The following C12orf56 variants were observed in gnomAD, a reference collection of about 807,000 sequenced individuals.
The protein encoded by C12orf56 is chromosome 12 open reading frame 56.
In C12orf56, 71 loss-of-function variants were observed where a neutral mutation model predicts 69.9. That is an observed-to-expected ratio of 1.02 (90% CI 0.84 to 1.24). The LOEUF is 1.24. Among genes scored for constraint, C12orf56 ranks in the 50% most tolerant of loss-of-function variants. C12orf56 has a pLI of 0.00. For missense variants in C12orf56, 732 were observed against 738.5 expected, an observed-to-expected ratio of 0.99 and a Z score of 0.10; for synonymous variants, 276 against 274.1, an observed-to-expected ratio of 1.01 and a Z score of -0.07.
At chr12:64,317,759 T>C (rs937523402) in intron 4 of C12orf56, among the ~76,000 whole-genome samples, 8 of 151,006 alleles carry the variant, frequency 5.3e-5, no homozygotes, top group African/African-American at 1.9e-4. Flanking sequence ...AAACTCCATC[T>C]CAAAAGAAAA....
intron 11 of C12orf56, among the ~76,000 whole-genome samples, chr12:64,270,942 T>C (rs1036831551): frequency 6.6e-6 from 1 of 152,062 alleles, no homozygotes; most frequent in Non-Finnish European, 1.5e-5. Context: ...CCAAGGCAGG[T>C]GGATCACGAG....
At chr12:64,350,374 G>A (rs532358700) in intron 2 of C12orf56, among the ~76,000 whole-genome samples, 1 of 152,294 alleles carries the variant, frequency 6.6e-6, no homozygotes, top group South Asian at 2.1e-4. Flanking sequence ...CATTGCATTA[G>A]TTTGATAGGG....
intron 1 of C12orf56, among the ~76,000 whole-genome samples, chr12:64,387,109 A>AAAAAAAAAAAAAAAAAAAAC (rs2039804817): frequency 8.1e-6 from 1 of 122,712 alleles, no homozygotes; most frequent in Non-Finnish European, 1.8e-5. Flanking sequence ...AAAAAAAAAA[A>AAAAAAAAAAAAAAAAAAAAC]AGATGTGTTC....
chr12:64,372,663 A>C (rs1382524829), intron 1 of C12orf56, among the ~76,000 whole-genome samples: 1 of 152,050 alleles, frequency 6.6e-6, no homozygotes, highest in Non-Finnish European at 1.5e-5. Flanking sequence ...ACAGGCACAC[A>C]CCAATATGTC....
rs535717875 is a variant in C12orf56, at chr12:64,325,455, C to G, written c.488+5505G>C. On this transcript the variant is annotated intron_variant, in intron 3 of 12. Transcript: ENST00000543942. ...TCTGATAAGTAAATTCAAGCCCCTA[C>G]AGTCTATTTAACTTTACACCGAAGG... is the stretch of plus-strand genomic sequence containing the variant. Among the ~76,000 whole-genome samples the G allele has an allele frequency of 1.1e-3, 169 of 152,106 alleles. 3 individuals carry two copies. Among genetic ancestry groups the G allele is most frequent in the Non-Finnish European group, 4.0e-4 (27 of 68,030 alleles).
intron 3 of C12orf56, among the ~76,000 whole-genome samples, chr12:64,329,365 G>A (rs150530053): frequency 3.9e-4 from 59 of 151,852 alleles, no homozygotes; most frequent in Non-Finnish European, 5.3e-4. Context: ...TCTTCCATCC[G>A]TCCCTTTTTC....
intron 4 of C12orf56, among the ~76,000 whole-genome samples, chr12:64,315,653 C>T (rs550184551): frequency 8.7e-4 from 133 of 152,134 alleles, no homozygotes; most frequent in African/African-American, 3.1e-3. Flanking sequence ...GTAATGTGGC[C>T]GGGCACAGTG....
At chr12:64,343,929 A>T (rs1380054602) in intron 2 of C12orf56, among the ~76,000 whole-genome samples, 3 of 152,150 alleles carry the variant, frequency 2.0e-5, no homozygotes, top group African/African-American at 7.2e-5. Context: ...TATGCCAATT[A>T]TGCTGTCTGG....
At chr12:64,331,239 A>T (rs1056919887) in intron 2 of C12orf56, among the ~76,000 whole-genome samples, 3 of 152,150 alleles carry the variant, frequency 2.0e-5, no homozygotes, top group African/African-American at 4.8e-5. Context: ...GGTGGCTCAC[A>T]CCTGTAATCC....
At chr12:64,365,644 A>C (rs2039456645) in intron 1 of C12orf56, among the ~76,000 whole-genome samples, 1 of 149,048 alleles carries the variant, frequency 6.7e-6, no homozygotes, top group South Asian at 2.1e-4. Context: ...TCATGCCTGT[A>C]ATATCAGCAC....
chr12:64,318,816 G>C lies in C12orf56; in HGVS notation c.653C>G (p.Pro218Arg), dbSNP rs1351059490. ...TTCTTTTGTGTTTGTTGTGCAAGAT[G>C]GCTCGCTGACAGCCTTGCCAGTTGT... ...APTTGKAVSE[P>R]SCTTNTKEPQ... Residue 218 changes from proline to arginine, a missense_variant, in exon 4 of 13, where the codon CCA becomes CGA. Physicochemically the swap from Pro to Arg is moderately radical, Grantham distance 103. Transcript: ENST00000543942. 5.2e-6 allele frequency: 8 copies of C among 1,537,230 alleles called. No individual in the cohort carries two copies. In the South Asian group the frequency reaches 9.5e-5, roughly 18 times the overall value.
intron 1 of C12orf56, among the ~76,000 whole-genome samples, chr12:64,376,481 C>T (rs1308738407): frequency 2.6e-5 from 4 of 152,152 alleles, no homozygotes; most frequent in Admixed American, 6.6e-5. Flanking sequence ...ACAGCAATTA[C>T]TTTTGTACCA....
intron 4 of C12orf56, among the ~76,000 whole-genome samples, chr12:64,315,113 A>T (rs1301454934): frequency 1.3e-5 from 2 of 150,360 alleles, no homozygotes; most frequent in African/African-American, 4.9e-5. Context: ...CACCACGGCC[A>T]GCCAATTTTT....
intron 1 of C12orf56, among the ~76,000 whole-genome samples, chr12:64,387,944 G>A (rs2039815845): frequency 6.6e-6 from 1 of 152,178 alleles, no homozygotes; most frequent in Non-Finnish European, 1.5e-5. Flanking sequence ...TGTTTACACT[G>A]GAGACAATAG....
chr12:64,314,524 T>C (rs1202752269), intron 4 of C12orf56, among the ~76,000 whole-genome samples: 1 of 152,202 alleles, frequency 6.6e-6, no homozygotes, highest in Non-Finnish European at 1.5e-5. Context: ...TTATTCTGGG[T>C]CCTCAAAATA....
At chr12:64,273,790 T>C (rs1240775298) in intron 11 of C12orf56, among the ~76,000 whole-genome samples, 2 of 152,206 alleles carry the variant, frequency 1.3e-5, no homozygotes, top group Non-Finnish European at 2.9e-5. Context: ...ATACTGGCTC[T>C]TAAAGCTTCT....
intron 6 of C12orf56, among the ~76,000 whole-genome samples, chr12:64,299,696 A>G (rs913000565): frequency 9.2e-5 from 14 of 152,142 alleles, no homozygotes; most frequent in Non-Finnish European, 1.5e-5. Context: ...GCCAATCACT[A>G]TAGTAAAAGG....
At chr12:64,286,512 G>A (rs2038203272) in intron 6 of C12orf56, among the ~76,000 whole-genome samples, 1 of 152,218 alleles carries the variant, frequency 6.6e-6, no homozygotes, top group Non-Finnish European at 1.5e-5. Flanking sequence ...CACTAGGCTA[G>A]CTTATGGAAA....
chr12:64,301,524 C>T lies in C12orf56; in HGVS notation c.1113+2111G>A, dbSNP rs375191215. 1.9e-3 allele frequency among the ~76,000 whole-genome samples: 286 copies of T among 152,142 alleles called. 4 individuals are homozygous for T. The highest frequency in any genetic ancestry group is 0.012 in the South Asian group (59 of 4,812). On this transcript the variant is annotated intron_variant, in intron 6 of 12. Coordinates refer to ENST00000543942, the MANE Select transcript of C12orf56 (RefSeq NM_001170633.2). Reference sequence around the variant, plus strand: ...TAGATTGAGTAAATTTACTGAGGCCCCAGAAGAAGGTTTTCAGGACCTTCC... The same window carrying T: ...TAGATTGAGTAAATTTACTGAGGCCTCAGAAGAAGGTTTTCAGGACCTTCC...
Sources: allele counts gnomAD v4.1 joint callset (sites outside exome capture counted in the v4.1 genomes callset), GRCh38; gene constraint gnomAD v4.1.1; transcripts MANE v1.5; gene names NCBI Gene and HGNC (gene_info 2026-07-23, HGNC 2026-07-21).